The following GPC5 variants were observed in gnomAD, a reference collection of about 807,000 sequenced individuals.
GPC5 encodes glypican 5.
Under a neutral mutation model 53.9 loss-of-function variants are expected in GPC5, and 47 were observed. That is an observed-to-expected ratio of 0.87 (90% CI 0.69 to 1.11). GPC5 has a LOEUF of 1.11. GPC5 is among the 50% of genes most tolerant of loss of function. The pLI, the probability that GPC5 is intolerant of heterozygous loss-of-function variation, is 0.00. For missense variants in GPC5, 748 were observed against 713.1 expected, an observed-to-expected ratio of 1.05 and a Z score of -0.56; for synonymous variants, 286 against 263.3, an observed-to-expected ratio of 1.09 and a Z score of -0.84.
intron 2 of GPC5, among the ~76,000 whole-genome samples, chr13:91,653,574 C>A (rs888698141): frequency 3.9e-5 from 6 of 152,030 alleles, no homozygotes; most frequent in African/African-American, 1.2e-4. Flanking sequence ...GGAATGGACA[C>A]CCCATTCTCC....
intron 7 of GPC5, among the ~76,000 whole-genome samples, chr13:92,715,502 T>G (rs1396312813): frequency 6.6e-6 from 1 of 152,152 alleles, no homozygotes; most frequent in African/African-American, 2.4e-5. Context: ...ATAACTCTAG[T>G]CTCCTGACAG....
At chr13:92,537,798 G>T (rs9301818) in intron 7 of GPC5, among the ~76,000 whole-genome samples, 1 of 151,954 alleles carries the variant, frequency 6.6e-6, no homozygotes, top group African/African-American at 2.4e-5. Context: ...CAAAGTTGAC[G>T]CTAGTTGCAT....
At chr13:91,804,326 G>A (rs1016456215) in intron 5 of GPC5, among the ~76,000 whole-genome samples, 1 of 152,006 alleles carries the variant, frequency 6.6e-6, no homozygotes, top group Non-Finnish European at 1.5e-5. Context: ...GAAATATGCA[G>A]TAGTATAGCT....
chr13:91,591,469 T>G (rs2032796616), intron 2 of GPC5, among the ~76,000 whole-genome samples: 1 of 152,198 alleles, frequency 6.6e-6, no homozygotes, highest in Non-Finnish European at 1.5e-5. Context: ...TTTTTTGAGT[T>G]TTCATGTCAA....
In GPC5 at chr13:91,571,759, A is replaced by ATGTATACACACATATACGTG. The variant is rs2031795315; in HGVS notation, c.326-121425_326-121424insATACACACATATACGTGTGT. Among the ~76,000 whole-genome samples the ATGTATACACACATATACGTG allele has an allele frequency of 2.2e-5, 2 of 90,050 alleles. 1 individual carries two copies. The highest frequency in any genetic ancestry group is 1.6e-4 in the African/African-American group (2 of 12,794). The allele number at this position is 90,050 out of a possible 152,430, so 59.1% of individuals were successfully genotyped here. On this transcript the variant is annotated intron_variant, in intron 2 of 7. Transcript: ENST00000377067. ...TATATGTATATATACACACATATAC[A>ATGTATACACACATATACGTG]TGTGTATGTGTATATACACACACAT... is the stretch of plus-strand genomic sequence containing the variant.
chr13:92,821,927 G>GA (rs201795033), intron 7 of GPC5, among the ~76,000 whole-genome samples: 1 of 151,258 alleles, frequency 6.6e-6, no homozygotes, highest in Non-Finnish European at 1.5e-5. Flanking sequence ...ATAAATACAA[G>GA]AAAAAAAATG....
rs1046563912 is a variant in GPC5 at position 91,431,591 on chromosome 13, A to G, written c.164-17170A>G. 3.3e-5 allele frequency among the ~76,000 whole-genome samples: 5 copies of G among 152,184 alleles called. No homozygotes were observed. The East Asian group carries it at 5.8e-4, about 18-fold the overall frequency. The stretch of plus-strand genomic sequence containing the variant: ...AACACTCTGACCACAAACAGATTAT[A>G]CTCTGTGTTACAATTATAAATTCCC... On this transcript the variant is annotated intron_variant, in intron 1 of 7. Transcript: ENST00000377067.
At position 91,641,362 on chromosome 13, in the gene GPC5, CA is replaced by C. The variant is rs1328743354; in HGVS notation, c.326-51818del. ...TCAAAACAAAACAAAACAAACAAAC[CA>C]AAAAAACCAAACACTGCATGTTCTC... On this transcript the variant is annotated intron_variant, in intron 2 of 7. Transcript: ENST00000377067. 5.3e-5 allele frequency among the ~76,000 whole-genome samples: 8 copies of C among 151,778 alleles called. No individual in the cohort carries two copies. The South Asian group carries it at 1.3e-3, about 24-fold the overall frequency.
Position 91,788,443 on chromosome 13 carries a change from G to A in GPC5, c.1280+32023G>A, listed in dbSNP as rs2037911994. Among the ~76,000 whole-genome samples, 5 of 152,044 alleles carry A rather than the reference G, an allele frequency of 3.3e-5. No homozygotes were observed. The South Asian group carries it at 1.0e-3, about 31-fold the overall frequency. On this transcript the variant is annotated intron_variant, in intron 5 of 7. Coordinates refer to ENST00000377067, the MANE Select transcript of GPC5 (RefSeq NM_004466.6). ...ACATAAACATTCAATCTGTAGCAAT[G>A]CATTTTTTTGCATTAGGAAAAAAAT...
intron 2 of GPC5, among the ~76,000 whole-genome samples, chr13:91,631,416 T>G (rs1315767139): frequency 6.6e-6 from 1 of 152,142 alleles, no homozygotes; most frequent in East Asian, 1.9e-4. Context: ...CCAGAGCATG[T>G]GGCCTATTGG....
intron 6 of GPC5, among the ~76,000 whole-genome samples, chr13:91,943,314 G>T (rs1397262906): frequency 6.6e-6 from 1 of 151,332 alleles, no homozygotes; most frequent in Non-Finnish European, 1.5e-5. Context: ...TTATTATTTT[G>T]GCAATTTTAA....
intron 6 of GPC5, among the ~76,000 whole-genome samples, chr13:91,987,388 G>C (rs1179559211): frequency 1.3e-5 from 2 of 152,178 alleles, no homozygotes; most frequent in Non-Finnish European, 1.5e-5. Flanking sequence ...TAGTTTGTCT[G>C]TTAGGGTGAC....
chr13:92,344,697 A>C (rs1332005088), intron 7 of GPC5, among the ~76,000 whole-genome samples: 1 of 152,150 alleles, frequency 6.6e-6, no homozygotes, highest in African/African-American at 2.4e-5. Context: ...GCAGGGTCTT[A>C]CGTAGTTTTG....
chr13:91,600,655 C>A (rs1416551075), intron 2 of GPC5, among the ~76,000 whole-genome samples: 1 of 151,978 alleles, frequency 6.6e-6, no homozygotes, highest in Admixed American at 6.6e-5. Context: ...GTCGCCCAGG[C>A]TGGAGTGCAG....
chr13:91,442,923 T>C (rs1325229712), intron 1 of GPC5, among the ~76,000 whole-genome samples: 5 of 152,194 alleles, frequency 3.3e-5, no homozygotes, highest in Non-Finnish European at 7.4e-5. Context: ...TATTTACTGG[T>C]ACAGTTCATA....
At chr13:92,756,557 G>A (rs1459998666) in intron 7 of GPC5, among the ~76,000 whole-genome samples, 14 of 151,620 alleles carry the variant, frequency 9.2e-5, no homozygotes, top group Non-Finnish European at 1.9e-4. Context: ...GTTTGCAGAC[G>A]ACATGATTGT....
intron 7 of GPC5, among the ~76,000 whole-genome samples, chr13:92,814,616 G>A (rs1468206942): frequency 1.3e-5 from 2 of 151,010 alleles, no homozygotes; most frequent in African/African-American, 2.4e-5. Flanking sequence ...AGCCGAGATC[G>A]TGCCATTGCA....
At position 92,479,822 on chromosome 13, in the gene GPC5, C is replaced by T. The variant is rs149163496; in HGVS notation, c.1561+334833C>T. Among the ~76,000 whole-genome samples, 227 of 152,218 alleles carry T rather than the reference C, an allele frequency of 1.5e-3. 1 individual carries two copies. Among genetic ancestry groups the T allele is most frequent in the East Asian group, 0.011 (56 of 5,172 alleles). ...ATAACAATTATTTTTCGGAGAAAATCTAATTGTAAAAATATAGCTGAAAAC... is the reference window on the plus strand; with the variant it reads ...ATAACAATTATTTTTCGGAGAAAATTTAATTGTAAAAATATAGCTGAAAAC... On this transcript the variant is annotated intron_variant, in intron 7 of 7. Coordinates refer to ENST00000377067, the MANE Select transcript of GPC5 (RefSeq NM_004466.6).
intron 1 of GPC5, among the ~76,000 whole-genome samples, chr13:91,417,068 A>G (rs1878287905): frequency 6.6e-6 from 1 of 152,144 alleles, no homozygotes; most frequent in African/African-American, 2.4e-5. Flanking sequence ...TGGATGGAGC[A>G]GAGGGGGGGA....
Sources: gnomAD v4.1 joint callset for allele counts (sites outside exome capture counted in the v4.1 genomes callset) on GRCh38, gnomAD v4.1.1 for gene constraint, MANE v1.5 for transcripts, NCBI Gene and HGNC (gene_info 2026-07-23, HGNC 2026-07-21) for gene names.